Variants in OSBPL6 observed in about 807,000 individuals in gnomAD.
The protein encoded by OSBPL6 is oxysterol-binding protein-related protein 6.
A neutral mutation model predicts 125.8 loss-of-function variants in OSBPL6; 49 were observed. The ratio of observed to expected loss-of-function variants is 0.39; its 90% confidence interval spans 0.31 to 0.49. The LOEUF is 0.49. OSBPL6 is among the 20% of genes least tolerant of loss of function. OSBPL6 has a pLI of 0.88. For synonymous variants in OSBPL6, 394 were observed against 391.8 expected, an observed-to-expected ratio of 1.01 and a Z score of -0.07; for missense variants, 986 against 1,135.4, an observed-to-expected ratio of 0.87 and a Z score of 1.89.
At chr2:178,344,630 C>A (rs987649558) in intron 11 of OSBPL6, among the ~76,000 whole-genome samples, 16 of 151,986 alleles carry the variant, frequency 1.1e-4, no homozygotes, top group Admixed American at 5.9e-4. Context: ...AAATTGAGTA[C>A]AGTGCCCCAT....
rs1330354730 is a variant in OSBPL6, at chr2:178,327,007, G to C, written c.196-1249G>C. On this transcript the variant is annotated intron_variant, in intron 4 of 24. Transcript: ENST00000190611. ...ATACATTGGAAACTTTGGGGGCTCTGGGGAAAGGGTGGGGGGTGGCGAGGG... is the reference window on the plus strand; with the variant it reads ...ATACATTGGAAACTTTGGGGGCTCTCGGGAAAGGGTGGGGGGTGGCGAGGG... Among the ~76,000 whole-genome samples the C allele has an allele frequency of 2.6e-5, 4 of 151,762 alleles. 1 individual carries two copies. Among genetic ancestry groups the C allele is most frequent in the East Asian group, 3.9e-4 (2 of 5,182 alleles).
intron 2 of OSBPL6, among the ~76,000 whole-genome samples, chr2:178,285,617 T>A (rs1418761042): frequency 6.6e-6 from 1 of 152,228 alleles, no homozygotes; most frequent in Non-Finnish European, 1.5e-5. Flanking sequence ...GCAATACTTT[T>A]TGTGGTATCC....
intron 2 of OSBPL6, among the ~76,000 whole-genome samples, chr2:178,305,461 C>T (rs768046030): frequency 9.8e-5 from 15 of 152,298 alleles, no homozygotes; most frequent in Non-Finnish European, 1.8e-4. Context: ...TAGATGTTTG[C>T]GAGCATGTTG....
intron 1 of OSBPL6, among the ~76,000 whole-genome samples, chr2:178,196,422 G>A (rs2088891137): frequency 6.6e-6 from 1 of 152,062 alleles, no homozygotes; most frequent in African/African-American, 2.4e-5. Flanking sequence ...TGTTGATAAC[G>A]CCATTATACA....
intron 1 of OSBPL6, among the ~76,000 whole-genome samples, chr2:178,283,911 G>C (rs1684455342): frequency 6.6e-6 from 1 of 152,128 alleles, no homozygotes; most frequent in Non-Finnish European, 1.5e-5. Flanking sequence ...CCTCAGAATG[G>C]TACCAAGCTA....
chr2:178,195,682 C>T (rs1271622846), intron 1 of OSBPL6, among the ~76,000 whole-genome samples: 1 of 152,130 alleles, frequency 6.6e-6, no homozygotes, highest in Non-Finnish European at 1.5e-5. Context: ...CTAAGTGAAC[C>T]CACTGGGTTG....
At position 178,400,289 on chromosome 2, in the gene OSBPL6, T is replaced by C. The variant is rs1283053675; in HGVS notation, c.*4730T>C. On this transcript the variant is annotated 3_prime_UTR_variant, in exon 25 of 25. Transcript: ENST00000190611. ...ATTTTATTGATATTGCTGTACTTTT[T>C]TTTTTTTTTTTGAGACAGAGTCTTG... The C allele has an allele frequency of 1.3e-5, 2 of 151,108 alleles. No individual in the cohort carries two copies. The highest frequency in any genetic ancestry group is 3.0e-5 in the Non-Finnish European group (2 of 67,678). The allele number at this position is 151,108 out of a possible 1,614,324, so 9.4% of individuals were successfully genotyped here.
chr2:178,205,515 CA>C (rs1409547789), intron 1 of OSBPL6, among the ~76,000 whole-genome samples: 9 of 152,084 alleles, frequency 5.9e-5, no homozygotes, highest in African/African-American at 2.2e-4. Flanking sequence ...GGTAAAACAA[CA>C]AAGCTTCTAG....
intron 1 of OSBPL6, among the ~76,000 whole-genome samples, chr2:178,254,797 T>A (rs2091826478): frequency 6.6e-6 from 1 of 152,246 alleles, no homozygotes; most frequent in Non-Finnish European, 1.5e-5. Context: ...CCTGTTGTTT[T>A]ATACTGCTCA....
At chr2:178,324,039 A>G (rs1017665534) in intron 3 of OSBPL6, 138 bp from the exon 4 acceptor site, 2 of 474,126 alleles carry the variant, frequency 4.2e-6, no homozygotes, top group South Asian at 1.2e-4. Context: ...TGTTGCTGCT[A>G]TCTTTGGTCT....
chr2:178,283,428 T>C (rs1684405022), intron 1 of OSBPL6, among the ~76,000 whole-genome samples: 1 of 151,760 alleles, frequency 6.6e-6, no homozygotes. Flanking sequence ...AAGGATAGGC[T>C]TGAAAAAGTC....
intron 13 of OSBPL6, among the ~76,000 whole-genome samples, chr2:178,362,968 G>A (rs1390156223): frequency 2.0e-5 from 3 of 152,118 alleles, no homozygotes; most frequent in Admixed American, 2.0e-4. Flanking sequence ...TGGATCGGTC[G>A]AACACTCAGT....
chr2:178,222,688 A>G (rs2090394476), intron 1 of OSBPL6, among the ~76,000 whole-genome samples: 1 of 152,148 alleles, frequency 6.6e-6, no homozygotes, highest in Non-Finnish European at 1.5e-5. Flanking sequence ...GTATGCATAA[A>G]AATTAATTGT....
intron 3 of OSBPL6, among the ~76,000 whole-genome samples, chr2:178,321,076 G>A (rs1041164870): frequency 3.9e-5 from 6 of 152,134 alleles, no homozygotes; most frequent in African/African-American, 1.2e-4. Flanking sequence ...TCTTGAACCC[G>A]GGAGGCGGAG....
chr2:178,258,333 C>T (rs1574655114), intron 1 of OSBPL6, among the ~76,000 whole-genome samples: 1 of 151,504 alleles, frequency 6.6e-6, no homozygotes, highest in South Asian at 2.1e-4. Context: ...TGGCCTCAAG[C>T]GATCGGCCCG....
intron 12 of OSBPL6, among the ~76,000 whole-genome samples, chr2:178,357,464 C>T (rs1372747943): frequency 1.3e-5 from 2 of 152,234 alleles, no homozygotes; most frequent in South Asian, 4.1e-4. Context: ...ATTTATGCAG[C>T]CAACAGACAC....
intron 15 of OSBPL6, among the ~76,000 whole-genome samples, chr2:178,375,401 T>TTG (rs1693769739): frequency 6.6e-6 from 1 of 152,010 alleles, no homozygotes; most frequent in African/African-American, 2.4e-5. Context: ...TCCTTCTTTT[T>TTG]TTGTTGTTGT....
intron 1 of OSBPL6, among the ~76,000 whole-genome samples, chr2:178,219,813 T>C (rs2090261213): frequency 6.6e-6 from 1 of 152,178 alleles, no homozygotes; most frequent in African/African-American, 2.4e-5. Flanking sequence ...TCATCTTCAA[T>C]GTGCTGAACT....
chr2:178,319,160 C>T (rs893462772), intron 3 of OSBPL6, among the ~76,000 whole-genome samples: 2 of 152,162 alleles, frequency 1.3e-5, no homozygotes, highest in African/African-American at 4.8e-5. Context: ...ACCATACCCC[C>T]AAAGTAAAAG....
Sources: allele counts gnomAD v4.1 joint callset (sites outside exome capture counted in the v4.1 genomes callset), GRCh38; gene constraint gnomAD v4.1.1; transcripts MANE v1.5; gene names NCBI Gene and HGNC (gene_info 2026-07-23, HGNC 2026-07-21).